The following ESRP2 variants were observed in gnomAD, a reference collection of about 807,000 sequenced individuals.
The protein encoded by ESRP2 is RNA binding motif protein 35A.
A neutral mutation model predicts 78.6 loss-of-function variants in ESRP2; 48 were observed. The observed-to-expected ratio is 0.61, with a 90% CI of 0.48 to 0.78. ESRP2 has a LOEUF of 0.78. Ranked by LOEUF, ESRP2 falls within the 30% of genes least tolerant of loss-of-function variation. The probability of loss-of-function intolerance (pLI) is 0.00; values close to 1 mark genes in which losing one functional copy is unlikely to be tolerated. For synonymous variants in ESRP2, 383 were observed against 406.7 expected, an observed-to-expected ratio of 0.94 and a Z score of 0.70; for missense variants, 863 against 965.9, an observed-to-expected ratio of 0.89 and a Z score of 1.41.
chr16:68,235,215 A>G lies in ESRP2; in HGVS notation c.327+419T>C. ...CGACACCGCCCTACGCCTCCGCTCC[A>G]GCAGCTCCCAAGCAGGCCGAAGACG... On this transcript the variant is annotated intron_variant, in intron 2 of 14. Transcript: ENST00000473183. This position sits in a 1 kb window ranked among gnomAD's most constrained non-coding sequence, Gnocchi z 5.5. 1.0e-6 allele frequency: 1 copy of G among 985,374 alleles called. No homozygotes were observed. Among genetic ancestry groups the G allele is most frequent in the South Asian group, 4.7e-5 (1 of 21,280 alleles). The allele number at this position is 985,374 out of a possible 1,614,324, so 61.0% of individuals were successfully genotyped here.
chr16:68,232,350 G>A lies in ESRP2; in HGVS notation c.954+21C>T, dbSNP rs73612287. On this transcript the variant is annotated intron_variant, in intron 8 of 14. Coordinates refer to ENST00000473183, the MANE Select transcript of ESRP2 (RefSeq NM_024939.3). The surrounding 1 kb of genome is among the most constrained non-coding windows in gnomAD (Gnocchi z 5.2). ...GCCTGACTCAGATTGGCCCTGCTCC[G>A]CTCCCAGCCCAAAGCCCCACCTCAA... The A allele has an allele frequency of 4.8e-4, 782 of 1,613,952 alleles. No homozygotes were observed. The African/African-American group carries it at 7.1e-3, about 15-fold the overall frequency.
intron 13 of ESRP2, 112 bp from the exon 14 acceptor site, chr16:68,230,666 G>A: frequency 7.0e-7 from 1 of 1,428,288 alleles, no homozygotes; most frequent in Non-Finnish European, 9.4e-7. Flanking sequence ...CCTCCCTGAA[G>A]CCCCAGCCTC....
Position 68,235,695 on chromosome 16 carries a change from G to A in ESRP2, c.266C>T (p.Ala89Val). 6.2e-7 allele frequency: 1 copy of A among 1,600,750 alleles called. No individual in the cohort carries two copies. The highest frequency in any genetic ancestry group is 1.3e-5 in the African/African-American group (1 of 74,952). The change falls in exon 2 of 15, where the codon GCG becomes GTG. Residue 89 changes from alanine to valine, a missense_variant. Coordinates refer to ENST00000473183, the MANE Select transcript of ESRP2 (RefSeq NM_024939.3). The surrounding 1 kb of genome is among the most constrained non-coding windows in gnomAD (Gnocchi z 5.5). Reference sequence around the variant, plus strand: ...CAGGCTGTCGGCGCTCAGGCCGCTCGCCTCGCGGCACTGCGTACTCAGTGC... The same window carrying A: ...CAGGCTGTCGGCGCTCAGGCCGCTCACCTCGCGGCACTGCGTACTCAGTGC... ...AAALSTQCRE[A>V]SGLSADSLAR...
chr16:68,233,583 A>C, intron 4 of ESRP2, 158 bp from the exon 5 acceptor site: 1 of 729,290 alleles, frequency 1.4e-6, no homozygotes, highest in South Asian at 1.6e-5. Flanking sequence ...CAGTCCAGAC[A>C]TAGACAGACA....
intron 2 of ESRP2, chr16:68,235,000 G>T: frequency 2.6e-6 from 1 of 377,764 alleles, no homozygotes; most frequent in Non-Finnish European, 3.6e-6. Flanking sequence ...GCGCCGTAGT[G>T]AAGATAAGGA....
Position 68,230,818 on chromosome 16 carries a change from A to T in ESRP2, c.1898+23T>A, listed in dbSNP as rs1391597305. 4 of 1,613,482 alleles carry T rather than the reference A, an allele frequency of 2.5e-6. No individual in the cohort carries two copies. In the South Asian group the frequency reaches 4.4e-5, roughly 18 times the overall value. On this transcript the variant is annotated intron_variant, in intron 13 of 14. Coordinates refer to ENST00000473183, the MANE Select transcript of ESRP2 (RefSeq NM_024939.3). ...GATTGGGACAGGGAGTGGGACTGTG[A>T]TATTCTCTTAGCTGCAGGGTACCTT...
At position 68,236,022 on chromosome 16, in the gene ESRP2, G is replaced by GGGCGGCGGC. The variant is rs752963598; in HGVS notation, c.15_23dup (p.Pro9_Pro11dup). On this transcript the variant is annotated inframe_insertion, in exon 1 of 15. Transcript: ENST00000473183. This position sits in a 1 kb window ranked among gnomAD's most constrained non-coding sequence, Gnocchi z 5.2. ...CCGCGGGGTCAGGGCCCGGGGGAGG[G>GGGCGGCGGC]GGCGGCGGCGGCGGCGGAGTCATGG... The GGGCGGCGGC allele has an allele frequency of 1.4e-6, 2 of 1,469,376 alleles. No individual in the cohort carries two copies. Among genetic ancestry groups the GGGCGGCGGC allele is most frequent in the East Asian group, 2.7e-5 (1 of 37,480 alleles). The allele number at this position is 1,469,376 out of a possible 1,614,324, so 91.0% of individuals were successfully genotyped here. A position where few individuals can be genotyped will look rare whatever the true frequency, so the allele number is the denominator to read the frequency against.
chr16:68,231,884 T>C lies in ESRP2; in HGVS notation c.1217A>G (p.Gln406Arg). The C allele has an allele frequency of 1.9e-6, 3 of 1,613,972 alleles. No homozygotes were observed. The highest frequency in any genetic ancestry group is 2.5e-6 in the Non-Finnish European group (3 of 1,179,982). Residue 406 changes from glutamine (Q) to arginine (R), a missense_variant, in exon 10 of 15, where the codon CAG becomes CGG. Physicochemically the swap from Gln to Arg is conservative, Grantham distance 43 (BLOSUM62 1). Transcript: ENST00000473183. The surrounding 1 kb of genome is among the most constrained non-coding windows in gnomAD (Gnocchi z 6.0). ...FALFACEELA[Q>R]AALRRHKGML... ...GCCCTTGTGCCTGCGCAGTGCAGCC[T>C]GTGCCAGCTCCTCACAAGCAAAGAG... is the stretch of plus-strand genomic sequence containing the variant.
Position 68,234,067 on chromosome 16 carries a change from C to T in ESRP2, c.368G>A (p.Gly123Glu), listed in dbSNP as rs749735281. 2.5e-6 allele frequency: 4 copies of T among 1,613,556 alleles called. No homozygotes were observed. In the African/African-American group the frequency reaches 4.0e-5, roughly 16 times the overall value. ...ATCAGTGCAGAGCATGTAGGGGCCC[C>T]CGCCCAGCAAAGCCACATCCCCGTT... Reference protein sequence around the residue: ...LVNGDVALLGGGPYMLCTDGQ... With the variant: ...LVNGDVALLGEGPYMLCTDGQ... Residue 123 changes from glycine (G) to glutamate (E), a missense_variant, in exon 3 of 15, where the codon GGG (glycine) becomes GAG (glutamate). By Grantham distance (98) the Gly-to-Glu change is moderately conservative. Transcript: ENST00000473183.
In ESRP2 at chr16:68,235,942, C is replaced by A. The variant is rs1312914556; in HGVS notation, c.104G>T (p.Gly35Val). 1 of 1,611,336 alleles carries A rather than the reference C, an allele frequency of 6.2e-7. No homozygotes were observed. Among genetic ancestry groups the A allele is most frequent in the African/African-American group, 1.3e-5 (1 of 74,838 alleles). The change falls in exon 1 of 15, where the codon GGG (glycine) becomes GTG (valine). Residue 35 changes from glycine to valine, a missense_variant. By Grantham distance (109) the Gly-to-Val change is moderately radical. Transcript: ENST00000473183. The surrounding 1 kb of genome is among the most constrained non-coding windows in gnomAD (Gnocchi z 5.5). ...PWPGSLVVLF[G>V]ATAGALGRDL... ...CCGTCCCAGCGCACCCGCCGTAGCC[C>A]CGAAGAGGACGACCAGTGATCCGGG...
intron 4 of ESRP2, 160 bp downstream of exon 4, chr16:68,233,608 A>G (rs111711848): frequency 2.7e-5 from 20 of 733,970 alleles, no homozygotes; most frequent in African/African-American, 1.4e-4. Context: ...CCCACATTCC[A>G]AACTCATCCT....
At chr16:68,234,200 T>C in intron 2 of ESRP2, 93 bp from the exon 3 acceptor site, 1 of 978,648 alleles carries the variant, frequency 1.0e-6, no homozygotes, top group Non-Finnish European at 1.5e-6. Context: ...GCTGCAAAGC[T>C]GGTTCAGCCA....
chr16:68,234,140 C>G (rs1296818011), intron 2 of ESRP2, 33 bp from the exon 3 acceptor site: 1 of 1,513,954 alleles, frequency 6.6e-7, no homozygotes, highest in Non-Finnish European at 9.0e-7. Flanking sequence ...GAGAAACACA[C>G]AGATTCACAG....
chr16:68,231,381 G>A lies in ESRP2; in HGVS notation c.1513-5C>T. The A allele has an allele frequency of 6.2e-7, 1 of 1,614,070 alleles. No homozygotes were observed. ...GGCATCGCCCGATGGCCGGCCCTGT[G>A]CACACCATCTTGTGAGCAGTTTGTC... On this transcript the variant is annotated splice_region_variant and splice_polypyrimidine_tract_variant and intron_variant, in intron 11 of 14. Transcript: ENST00000473183. The surrounding 1 kb of genome is among the most constrained non-coding windows in gnomAD (Gnocchi z 6.0).
In ESRP2 at chr16:68,231,871, G is replaced by A. The variant is rs1471487209; in HGVS notation, c.1230C>T (p.Arg410=). 1 of 1,613,964 alleles carries A rather than the reference G, an allele frequency of 6.2e-7. No individual in the cohort carries two copies. The highest frequency in any genetic ancestry group is 8.5e-7 in the Non-Finnish European group (1 of 1,179,970). The change falls in exon 10 of 15, where the codon CGC becomes CGT. Residue 410 remains arginine (R), a synonymous_variant. Transcript: ENST00000473183. This position sits in a 1 kb window ranked among gnomAD's most constrained non-coding sequence, Gnocchi z 6.0. Reference sequence around the variant, plus strand: ...GCTTACCCAGCATGCCCTTGTGCCTGCGCAGTGCAGCCTGTGCCAGCTCCT... The same window carrying A: ...GCTTACCCAGCATGCCCTTGTGCCTACGCAGTGCAGCCTGTGCCAGCTCCT... ...ACEELAQAAL[R]RHKGMLGKRY...
In ESRP2 at chr16:68,231,736, G is replaced by T. The variant is rs778588830; in HGVS notation, c.1300-42C>A. On this transcript the variant is annotated intron_variant, in intron 10 of 14. Coordinates refer to ENST00000473183, the MANE Select transcript of ESRP2 (RefSeq NM_024939.3). The surrounding 1 kb of genome is among the most constrained non-coding windows in gnomAD (Gnocchi z 6.0). ...CAACAGGCTGGTCATGCCAAGTAGGGCAGGGACACAGAGGGCCGCCCTGGA... is the reference window on the plus strand; with the variant it reads ...CAACAGGCTGGTCATGCCAAGTAGGTCAGGGACACAGAGGGCCGCCCTGGA... The T allele has an allele frequency of 6.3e-7, 1 of 1,594,618 alleles. No homozygotes were observed. The highest frequency in any genetic ancestry group is 1.1e-5 in the South Asian group (1 of 88,342).
chr16:68,230,840 C>G lies in ESRP2; in HGVS notation c.1898+1G>C. 1 of 1,613,986 alleles carries G rather than the reference C, an allele frequency of 6.2e-7. No homozygotes were observed. The highest frequency in any genetic ancestry group is 8.5e-7 in the Non-Finnish European group (1 of 1,179,944). ...GTGATATTCTCTTAGCTGCAGGGTA[C>G]CTTGGGTAGTAGGCTGTGTAGTTCA... On this transcript the variant is annotated splice_donor_variant, in intron 13 of 14. Transcript: ENST00000473183. LOFTEE classifies it high-confidence loss of function.
Position 68,235,168 on chromosome 16 carries a change from T to G in ESRP2, c.327+466A>C. The G allele has an allele frequency of 1.0e-6, 1 of 985,280 alleles. No individual in the cohort carries two copies. Among genetic ancestry groups the G allele is most frequent in the Non-Finnish European group, 1.2e-6 (1 of 829,882 alleles). 61.0% of individuals were successfully genotyped at this position (985,280 alleles called of 1,614,324 possible). ...CAGGCCTAGACGAGCAGTTTACACC[T>G]GGCGGCGTCTACCTCTAGGGCCGAC... On this transcript the variant is annotated intron_variant, in intron 2 of 14. Coordinates refer to ENST00000473183, the MANE Select transcript of ESRP2 (RefSeq NM_024939.3). The surrounding 1 kb of genome is among the most constrained non-coding windows in gnomAD (Gnocchi z 5.5).
At chr16:68,234,289 C>T in intron 2 of ESRP2, 182 bp from the exon 3 acceptor site, 1 of 590,436 alleles carries the variant, frequency 1.7e-6, no homozygotes, top group South Asian at 2.1e-5. Context: ...CCTCACCCCC[C>T]AACCCTGTTC....
Sources: allele counts gnomAD v4.1 joint callset, GRCh38; gene constraint gnomAD v4.1.1; non-coding constraint Gnocchi (gnomAD v3.1); transcripts MANE v1.5; gene names NCBI Gene and HGNC (gene_info 2026-07-23, HGNC 2026-07-21).